LRBA: variants seen among roughly 807,000 people sequenced by gnomAD.
The protein encoded by LRBA is lipopolysaccharide-responsive and beige-like anchor protein.
Under a neutral mutation model 330.0 loss-of-function variants are expected in LRBA, and 176 were observed. The observed-to-expected ratio is 0.53, with a 90% confidence interval of 0.47 to 0.60. The LOEUF (loss-of-function observed/expected upper bound fraction) is 0.60, where lower values mean the gene tolerates loss of function less well. Among genes scored for constraint, LRBA ranks in the 20% least tolerant of loss-of-function variants. The pLI, the probability that LRBA is intolerant of heterozygous loss-of-function variation, is 0.00. For synonymous variants in LRBA, 1,230 were observed against 1,193.0 expected (o/e 1.03, Z -0.64); for missense variants, 3,259 against 3,444.8 (o/e 0.95, Z 1.35).
chr4:150,506,274 A>T (rs528045617), intron 40 of LRBA, among the ~76,000 whole-genome samples: 21,436 of 151,910 alleles, frequency 0.14, 1,413 homozygotes, highest in Middle Eastern at 0.17. Context: ...GACACAACCA[A>T]AAAAGAGAAT....
At chr4:150,269,291 C>T (rs1227785157) in intron 56 of LRBA, among the ~76,000 whole-genome samples, 1 of 152,178 alleles carries the variant, frequency 6.6e-6, no homozygotes, top group Non-Finnish European at 1.5e-5. Context: ...AAAACATTGT[C>T]ACACTGATAT....
chr4:150,505,447 C>A (rs1189348329), intron 40 of LRBA, among the ~76,000 whole-genome samples: 1 of 152,196 alleles, frequency 6.6e-6, no homozygotes, highest in Non-Finnish European at 1.5e-5. Context: ...CGCTCAACTA[C>A]ATGGAAACTG....
Position 150,733,927 on chromosome 4 carries a change from C to T in LRBA, c.5754+1331G>A, listed in dbSNP as rs115955384. On this transcript the variant is annotated intron_variant, in intron 36 of 56. Transcript: ENST00000651943. ...GACACAGGAATTAGATTTTCCTAGA[C>T]CACAGCATTAGAAATTTGAAAGTAA... Among the ~76,000 whole-genome samples the T allele has an allele frequency of 4.3e-3, 650 of 152,220 alleles. 4 individuals carry two copies. Among genetic ancestry groups the T allele is most frequent in the African/African-American group, 0.015 (629 of 41,558 alleles).
chr4:150,500,283 T>C (rs543314187), intron 40 of LRBA, among the ~76,000 whole-genome samples: 2 of 148,830 alleles, frequency 1.3e-5, no homozygotes, highest in Non-Finnish European at 3.0e-5. Flanking sequence ...AAAAAAAAAA[T>C]CCCCCCTTGG....
chr4:150,436,606 A>G (rs1015828142), intron 45 of LRBA, 118 bp downstream of exon 45: 9 of 743,262 alleles, frequency 1.2e-5, no homozygotes, highest in South Asian at 2.6e-5. Flanking sequence ...TAGAACTTCA[A>G]TAATTTAAAC....
intron 40 of LRBA, among the ~76,000 whole-genome samples, chr4:150,563,064 T>C (rs1388394635): frequency 6.6e-6 from 1 of 152,194 alleles, no homozygotes; most frequent in African/African-American, 2.4e-5. Context: ...CTAAAAGTGC[T>C]GGGATTACAG....
At chr4:150,540,739 AT>A (rs1169280288) in intron 40 of LRBA, among the ~76,000 whole-genome samples, 1 of 152,236 alleles carries the variant, frequency 6.6e-6, no homozygotes, top group Admixed American at 6.5e-5. Flanking sequence ...TGGTGCAATT[AT>A]CTAGCAGAAA....
intron 37 of LRBA, among the ~76,000 whole-genome samples, chr4:150,682,272 C>T (rs754902773): frequency 6.6e-6 from 1 of 152,140 alleles, no homozygotes; most frequent in African/African-American, 2.4e-5. Context: ...ATACAACACT[C>T]CTCCATTCTC....
At chr4:150,301,276 T>G (rs1729642173) in intron 53 of LRBA, among the ~76,000 whole-genome samples, 2 of 152,082 alleles carry the variant, frequency 1.3e-5, no homozygotes, top group African/African-American at 4.8e-5. Context: ...CTTTGTAATT[T>G]CTATTGTAAT....
chr4:150,283,080 GTGGGCCTA>G lies in LRBA; in HGVS notation c.8120-442_8120-435del, dbSNP rs1342863438. On this transcript the variant is annotated intron_variant, in intron 54 of 56. Transcript: ENST00000651943. ...CAGGAGCCCCAACGGCCACGGCACTGTGGGCCTATGCAGGGACAGCCAGCTCAATCAGC... is the reference window on the plus strand; with the variant it reads ...CAGGAGCCCCAACGGCCACGGCACTGTGCAGGGACAGCCAGCTCAATCAGC... 6.6e-5 allele frequency among the ~76,000 whole-genome samples: 10 copies of G among 152,360 alleles called. No homozygotes were observed. In the East Asian group the frequency reaches 1.7e-3, roughly 26 times the overall value.
intron 28 of LRBA, among the ~76,000 whole-genome samples, chr4:150,837,036 C>G (rs1349502051): frequency 6.6e-6 from 1 of 152,088 alleles, no homozygotes; most frequent in Non-Finnish European, 1.5e-5. Context: ...TTATTTCTGC[C>G]TTCATTTTGT....
At chr4:150,910,259 T>C (rs1014652529) in intron 9 of LRBA, among the ~76,000 whole-genome samples, 22 of 152,168 alleles carry the variant, frequency 1.4e-4, no homozygotes, top group African/African-American at 5.1e-4. Flanking sequence ...TTTTCCCTTG[T>C]GTATTCTTTT....
At chr4:150,458,155 AC>A (rs989355623) in intron 44 of LRBA, among the ~76,000 whole-genome samples, 1 of 151,954 alleles carries the variant, frequency 6.6e-6, no homozygotes, top group Non-Finnish European at 1.5e-5. Context: ...GATAACTTCT[AC>A]AGAAAACCAA....
At chr4:150,540,950 G>A (rs924909601) in intron 40 of LRBA, among the ~76,000 whole-genome samples, 38 of 152,080 alleles carry the variant, frequency 2.5e-4, no homozygotes, top group Admixed American at 1.6e-3. Context: ...ATAGAGCAGC[G>A]GAAATCATAA....
chr4:150,384,576 A>G (rs1742776210), intron 47 of LRBA, among the ~76,000 whole-genome samples: 1 of 152,124 alleles, frequency 6.6e-6, no homozygotes, highest in Admixed American at 6.5e-5. Context: ...CCCAGCATTA[A>G]ACCTCACAAA....
chr4:150,308,715 T>C (rs79407366), intron 52 of LRBA, among the ~76,000 whole-genome samples: 5,528 of 152,218 alleles, frequency 0.036, 245 homozygotes, highest in African/African-American at 0.097. Context: ...GCCTAACTTA[T>C]ATGTTTTTGT....
At chr4:150,795,601 A>G (rs969873128) in intron 34 of LRBA, among the ~76,000 whole-genome samples, 2 of 152,006 alleles carry the variant, frequency 1.3e-5, no homozygotes, top group African/African-American at 4.8e-5. Flanking sequence ...GAGGTTTCCA[A>G]CTCTAATTAA....
At chr4:150,939,395 TG>T (rs2149524480) in intron 2 of LRBA, among the ~76,000 whole-genome samples, 1 of 152,260 alleles carries the variant, frequency 6.6e-6, no homozygotes, top group South Asian at 2.1e-4. Flanking sequence ...GAGATTACAG[TG>T]ATACTTCTAT....
At chr4:150,550,173 A>G (rs979915620) in intron 40 of LRBA, among the ~76,000 whole-genome samples, 6 of 152,230 alleles carry the variant, frequency 3.9e-5, no homozygotes, top group African/African-American at 1.2e-4. Context: ...AATTTTATGT[A>G]AAGTAAAACT....
Sources: allele counts gnomAD v4.1 joint callset (sites outside exome capture counted in the v4.1 genomes callset), GRCh38; gene constraint gnomAD v4.1.1; transcripts MANE v1.5; gene names NCBI Gene and HGNC (gene_info 2026-07-23, HGNC 2026-07-21).